ERMARD: variants seen among roughly 807,000 people sequenced by gnomAD.
ERMARD encodes the protein endoplasmic reticulum membrane-associated RNA degradation protein.
In ERMARD, 71 loss-of-function variants were observed where a neutral mutation model predicts 83.9. That is an observed-to-expected ratio of 0.85 (90% CI 0.70 to 1.03). ERMARD has a LOEUF of 1.03. Ranked by LOEUF, ERMARD falls within the 50% of genes least tolerant of loss-of-function variation. The probability of loss-of-function intolerance (pLI) is 0.00; values close to 1 mark genes in which losing one functional copy is unlikely to be tolerated. For missense variants in ERMARD, 838 were observed against 810.9 expected (o/e 1.03, Z -0.41); for synonymous variants, 284 against 298.6 (o/e 0.95, Z 0.50).
chr6:169,778,906 C>G (rs1793893119), intron 16 of ERMARD, among the ~76,000 whole-genome samples: 1 of 152,224 alleles, frequency 6.6e-6, no homozygotes, highest in Non-Finnish European at 1.5e-5. Flanking sequence ...GTGCATGGCC[C>G]CTGGCAGCCC....
At chr6:169,765,305 C>A (rs1792063458) in intron 9 of ERMARD, among the ~76,000 whole-genome samples, 1 of 152,184 alleles carries the variant, frequency 6.6e-6, no homozygotes, top group Non-Finnish European at 1.5e-5. Context: ...TAAACAGGAT[C>A]AGTTTTTAAG....
At chr6:169,779,624 G>T (rs1053061350) in intron 17 of ERMARD, among the ~76,000 whole-genome samples, 2 of 152,120 alleles carry the variant, frequency 1.3e-5, no homozygotes, top group African/African-American at 4.8e-5. Flanking sequence ...CTCCTGAGTA[G>T]CTGGGACCAC....
intron 16 of ERMARD, among the ~76,000 whole-genome samples, chr6:169,777,778 TC>T (rs766981067): frequency 1.5e-4 from 23 of 150,944 alleles, no homozygotes; most frequent in Middle Eastern, 3.4e-3. Context: ...CCGCCCCCCT[TC>T]CCCCCACCCA....
chr6:169,759,731 C>A (rs772890321), intron 6 of ERMARD, 107 bp from the exon 7 acceptor site: 6 of 1,102,198 alleles, frequency 5.4e-6, no homozygotes, highest in Admixed American at 2.0e-5. Flanking sequence ...CAGTTTCATG[C>A]AATTTAACTT....
At chr6:169,769,198 G>C (rs1489072527) in intron 11 of ERMARD, among the ~76,000 whole-genome samples, 2 of 152,192 alleles carry the variant, frequency 1.3e-5, no homozygotes, top group East Asian at 3.8e-4. Flanking sequence ...AAAGTGCAGG[G>C]GCTGTGCTCA....
intron 10 of ERMARD, chr6:169,767,605 C>G (rs115990673): frequency 5.9e-6 from 1 of 170,486 alleles, no homozygotes; most frequent in African/African-American, 2.4e-5. Context: ...TACACACACA[C>G]ACATGAACAC....
rs1235435096 is a variant in ERMARD, at chr6:169,756,765, T to G, written c.464T>G (p.Leu155Arg). 6.2e-7 allele frequency: 1 copy of G among 1,614,134 alleles called. No homozygotes were observed. The highest frequency in any genetic ancestry group is 8.5e-7 in the Non-Finnish European group (1 of 1,180,028). Reference protein sequence around the residue: ...GKECPFLLRDLLSSEELAQVF... With the variant: ...GKECPFLLRDRLSSEELAQVF... ...GAATGCCCCTTTCTTTTAAGAGATC[T>G]GCTTTCATCTGAGGAGCTTGCTCAA... The change falls in exon 5 of 18, where the codon CTG (leucine) becomes CGG (arginine). Residue 155 changes from leucine (L) to arginine (R), a missense_variant. By Grantham distance (102) the Leu-to-Arg change is moderately radical. Transcript: ENST00000366773.
At chr6:169,752,491 C>T (rs1790253518) in intron 1 of ERMARD, among the ~76,000 whole-genome samples, 1 of 152,154 alleles carries the variant, frequency 6.6e-6, no homozygotes, top group Non-Finnish European at 1.5e-5. Context: ...GTGACAATCG[C>T]CAATCAACAA....
intron 9 of ERMARD, 86 bp downstream of exon 9, chr6:169,762,617 T>A: frequency 8.8e-7 from 1 of 1,131,784 alleles, no homozygotes; most frequent in Non-Finnish European, 1.3e-6. Context: ...AAAAATGTTA[T>A]TCTGTTTCAC....
At chr6:169,771,071 T>G (rs1792849164) in intron 12 of ERMARD, 1 of 140,530 alleles carries the variant, frequency 7.1e-6, no homozygotes, top group South Asian at 2.3e-4. Flanking sequence ...CTTTTTTCTT[T>G]TCTTTCTTTT....
At chr6:169,761,391 A>C (rs1165713124) in intron 8 of ERMARD, among the ~76,000 whole-genome samples, 1 of 151,726 alleles carries the variant, frequency 6.6e-6, no homozygotes, top group African/African-American at 2.4e-5. Flanking sequence ...TAATTTTTGT[A>C]CTTTTTCTAG....
intron 10 of ERMARD, 34 bp downstream of exon 10, chr6:169,766,701 A>G: frequency 6.4e-7 from 1 of 1,553,916 alleles, no homozygotes; most frequent in Non-Finnish European, 8.6e-7. Flanking sequence ...AACTTGAAAC[A>G]AACAGAACGC....
At chr6:169,762,592 C>T in intron 9 of ERMARD, 61 bp downstream of exon 9, 5 of 1,398,672 alleles carry the variant, frequency 3.6e-6, no homozygotes, top group East Asian at 2.3e-5. Context: ...TTTCTGTTAC[C>T]AATTAAAAGT....
chr6:169,766,651 A>T lies in ERMARD; in HGVS notation c.974A>T (p.Tyr325Phe). Residue 325 changes from tyrosine to phenylalanine, a missense_variant, in exon 10 of 18, where the codon TAT becomes TTT. Physicochemically the swap from Tyr to Phe is conservative, Grantham distance 22. Coordinates refer to ENST00000366773, the MANE Select transcript of ERMARD (RefSeq NM_018341.3). ...CCTTTTCTGAAGTCAACAGCTCTTT[A>T]TACCACCTTTGATCAAGTAAGTAAG... ...RLLTAESTAL[Y>F]TTFDQILAKH... The T allele has an allele frequency of 1.9e-6, 3 of 1,581,414 alleles. No individual in the cohort carries two copies. The highest frequency in any genetic ancestry group is 1.7e-6 in the Non-Finnish European group (2 of 1,171,728).
intron 8 of ERMARD, 123 bp from the exon 9 acceptor site, chr6:169,762,306 C>T (rs187034172): frequency 1.2e-5 from 10 of 852,640 alleles, no homozygotes; most frequent in Middle Eastern, 2.3e-4. Flanking sequence ...AACTCCTAGC[C>T]TCAAGCGATC....
chr6:169,756,126 TTAAA>T (rs1207098795), intron 3 of ERMARD, among the ~76,000 whole-genome samples: 2 of 152,360 alleles, frequency 1.3e-5, no homozygotes, highest in East Asian at 3.9e-4. Flanking sequence ...CAATAAACGT[TTAAA>T]TAAAGAACCT....
intron 6 of ERMARD, among the ~76,000 whole-genome samples, chr6:169,759,540 C>T (rs1791255681): frequency 6.6e-6 from 1 of 152,176 alleles, no homozygotes; most frequent in South Asian, 2.1e-4. Flanking sequence ...CCGACTCAGC[C>T]TCCTGAGTAG....
At chr6:169,768,861 A>G (rs1228773404) in intron 11 of ERMARD, among the ~76,000 whole-genome samples, 1 of 152,198 alleles carries the variant, frequency 6.6e-6, no homozygotes, top group African/African-American at 2.4e-5. Context: ...ATTTTTTTAT[A>G]TTTTATGAAG....
chr6:169,752,007 T>C (rs2128338632), intron 1 of ERMARD: 1 of 367,212 alleles, frequency 2.7e-6, no homozygotes, highest in South Asian at 6.4e-5. Flanking sequence ...TGACCGTGGC[T>C]CGTTCCTAGA....
Sources: allele counts gnomAD v4.1 joint callset (sites outside exome capture counted in the v4.1 genomes callset), GRCh38; gene constraint gnomAD v4.1.1; transcripts MANE v1.5; gene names NCBI Gene and HGNC (gene_info 2026-07-23, HGNC 2026-07-21).